Variants in SPMIP2 observed in about 807,000 individuals in gnomAD.
The protein encoded by SPMIP2 is sperm microtubule inner protein 2.
the SPMIP2 span, among the ~76,000 whole-genome samples, chr4:158,965,785 C>A: frequency 6.6e-6 from 1 of 152,062 alleles, no homozygotes; most frequent in Non-Finnish European, 1.5e-5. Context: ...ACAATTTGGT[C>A]TCTCAACAAA....
the SPMIP2 span, among the ~76,000 whole-genome samples, chr4:158,955,854 G>A: frequency 1.3e-5 from 2 of 152,186 alleles, no homozygotes; most frequent in African/African-American, 2.4e-5. Flanking sequence ...GCCTTCGAAT[G>A]GAAGAAGTCC....
the SPMIP2 span, among the ~76,000 whole-genome samples, chr4:158,922,239 T>G: frequency 6.6e-6 from 1 of 152,176 alleles, no homozygotes; most frequent in African/African-American, 2.4e-5. Context: ...AATCTCCCAA[T>G]GCTACTGCCA....
At chr4:158,973,330 A>T in the SPMIP2 span, 1 of 1,471,036 alleles carries the variant, frequency 6.8e-7, no homozygotes, top group African/African-American at 1.4e-5. Context: ...GACAAAATGT[A>T]CTTAAAACTT....
chr4:158,930,260 G>A, the SPMIP2 span, among the ~76,000 whole-genome samples: 1 of 149,972 alleles, frequency 6.7e-6, no homozygotes, highest in Non-Finnish European at 1.5e-5. Context: ...CACCTAGGCT[G>A]GAGTGCAGTG....
chr4:158,950,297 T>C, the SPMIP2 span, among the ~76,000 whole-genome samples: 560 of 152,322 alleles, frequency 3.7e-3, 1 homozygote, highest in South Asian at 0.013. Context: ...AATTCACCCA[T>C]GGAGGCAGCT....
the SPMIP2 span, among the ~76,000 whole-genome samples, chr4:158,982,383 A>T: frequency 6.6e-6 from 1 of 152,212 alleles, no homozygotes; most frequent in Non-Finnish European, 1.5e-5. Flanking sequence ...CCTAACAGAC[A>T]TCCACAGAAC....
the SPMIP2 span, among the ~76,000 whole-genome samples, chr4:159,070,915 G>A: frequency 6.6e-6 from 1 of 152,202 alleles, no homozygotes; most frequent in Non-Finnish European, 1.5e-5. Flanking sequence ...ACGCTTGATA[G>A]CATGCTGGAA....
the SPMIP2 span, among the ~76,000 whole-genome samples, chr4:159,030,619 C>T: frequency 6.6e-6 from 1 of 152,066 alleles, no homozygotes; most frequent in African/African-American, 2.4e-5. Context: ...GCCTCAGCCT[C>T]TTGAGTAGCT....
At chr4:158,939,655 TTCTTCTCCC>T in the SPMIP2 span, among the ~76,000 whole-genome samples, 3 of 152,146 alleles carry the variant, frequency 2.0e-5, no homozygotes, top group South Asian at 6.2e-4. Context: ...TCTCTTCTCT[TTCTTCTCCC>T]TCTTCTCCTC....
chr4:159,052,959 T>A, the SPMIP2 span, among the ~76,000 whole-genome samples: 2,425 of 138,002 alleles, frequency 0.018, 62 homozygotes, highest in African/African-American at 0.062. Flanking sequence ...ATTATTATTT[T>A]TTTTTTTTTT....
the SPMIP2 span, among the ~76,000 whole-genome samples, chr4:159,042,902 A>G: frequency 2.0e-5 from 3 of 151,996 alleles, no homozygotes; most frequent in African/African-American, 7.3e-5. Flanking sequence ...GGCTCAAGTG[A>G]CCCACTTGCC....
the SPMIP2 span, among the ~76,000 whole-genome samples, chr4:158,925,123 T>G: frequency 6.6e-6 from 1 of 152,248 alleles, no homozygotes; most frequent in Non-Finnish European, 1.5e-5. Context: ...CTGTTAATTA[T>G]TCTATAAATG....
the SPMIP2 span, among the ~76,000 whole-genome samples, chr4:158,929,431 A>C: frequency 6.6e-6 from 1 of 152,202 alleles, no homozygotes; most frequent in Non-Finnish European, 1.5e-5. Context: ...TATAAGTCTT[A>C]AATATTTTTT....
At chr4:159,040,888 A>G in the SPMIP2 span, among the ~76,000 whole-genome samples, 5 of 152,204 alleles carry the variant, frequency 3.3e-5, no homozygotes, top group Non-Finnish European at 2.9e-5. Context: ...TTGCTTTTCT[A>G]TGAAATGAGA....
the SPMIP2 span, among the ~76,000 whole-genome samples, chr4:159,017,942 T>C: frequency 6.6e-6 from 1 of 152,220 alleles, no homozygotes; most frequent in Non-Finnish European, 1.5e-5. Flanking sequence ...CTAGGACTAC[T>C]GTGGCTGCTT....
chr4:159,040,045 C>T, the SPMIP2 span, among the ~76,000 whole-genome samples: 26 of 152,300 alleles, frequency 1.7e-4, no homozygotes, highest in Non-Finnish European at 3.1e-4. Flanking sequence ...TTATGAAGCA[C>T]ACTTGGTAAA....
the SPMIP2 span, among the ~76,000 whole-genome samples, chr4:159,031,651 A>C: frequency 6.6e-6 from 1 of 152,244 alleles, no homozygotes; most frequent in Non-Finnish European, 1.5e-5. Flanking sequence ...CAGTCACGGC[A>C]ATGTGACTAT....
At chr4:158,967,800 G>A in the SPMIP2 span, among the ~76,000 whole-genome samples, 1 of 152,170 alleles carries the variant, frequency 6.6e-6, no homozygotes, top group Admixed American at 6.5e-5. Context: ...TTTCCCAGAT[G>A]AATCTGAAAA....
At chr4:158,902,851 G>A in the SPMIP2 span, among the ~76,000 whole-genome samples, 3 of 152,106 alleles carry the variant, frequency 2.0e-5, no homozygotes, top group South Asian at 2.1e-4. Context: ...AACCTCAAAC[G>A]TCCCAGGTCG....
Sources: allele counts gnomAD v4.1 joint callset (sites outside exome capture counted in the v4.1 genomes callset), GRCh38; gene constraint gnomAD v4.1.1; transcripts MANE v1.5; gene names NCBI Gene and HGNC (gene_info 2026-07-23, HGNC 2026-07-21).